KCNQ1: variants seen among roughly 807,000 people sequenced by gnomAD.
KCNQ1 encodes potassium voltage-gated channel subfamily KQT member 1.
A neutral mutation model predicts 72.4 loss-of-function variants in KCNQ1; 49 were observed. That is an observed-to-expected ratio of 0.68 (90% confidence interval 0.54 to 0.86). KCNQ1 has a LOEUF of 0.86. KCNQ1 is among the 40% of genes least tolerant of loss of function. The pLI is 0.00. For synonymous variants in KCNQ1, 450 were observed against 412.6 expected, an observed-to-expected ratio of 1.09 and a Z score of -1.10; for missense variants, 790 against 945.1, an observed-to-expected ratio of 0.84 and a Z score of 2.15.
chr11:2,594,259 C>G (rs1848706893), intron 10 of KCNQ1, among the ~76,000 whole-genome samples: 1 of 152,206 alleles, frequency 6.6e-6, no homozygotes, highest in Non-Finnish European at 1.5e-5. Flanking sequence ...AGCTGTAACA[C>G]TGCAGTCTCC....
intron 10 of KCNQ1, among the ~76,000 whole-genome samples, chr11:2,591,112 G>C (rs1182062746): frequency 6.6e-6 from 1 of 152,274 alleles, no homozygotes; most frequent in Admixed American, 6.5e-5. Flanking sequence ...TTGTAAGGAT[G>C]CTGTCACATC....
chr11:2,586,114 C>T (rs976616575), intron 8 of KCNQ1, among the ~76,000 whole-genome samples: 1 of 152,330 alleles, frequency 6.6e-6, no homozygotes, highest in South Asian at 2.1e-4. Flanking sequence ...ATGACAAGTG[C>T]CCACTGGGGA....
intron 10 of KCNQ1, chr11:2,625,868 C>G: frequency 2.5e-6 from 1 of 398,588 alleles, no homozygotes; most frequent in East Asian, 3.6e-5. Context: ...CGTGCCTGGC[C>G]CTTTTGCCCA....
chr11:2,779,544 T>C (rs1284687978), intron 15 of KCNQ1, among the ~76,000 whole-genome samples: 1 of 151,554 alleles, frequency 6.6e-6, no homozygotes, highest in Non-Finnish European at 1.5e-5. Context: ...CAGCACAGGC[T>C]GGGGACAGCC....
chr11:2,817,181 G>A lies in KCNQ1; in HGVS notation c.1795-30586G>A, dbSNP rs985876845. On this transcript the variant is annotated intron_variant, in intron 15 of 15. Transcript: ENST00000155840. The surrounding 1 kb of genome is among the most constrained non-coding windows in gnomAD (Gnocchi z 6.1). Reference sequence around the variant, plus strand: ...GCGCACGCTCCTTTCAAGGGTTAACGGTGCAAGCTCCTCACGGCACCAGTG... The same window carrying A: ...GCGCACGCTCCTTTCAAGGGTTAACAGTGCAAGCTCCTCACGGCACCAGTG... Among the ~76,000 whole-genome samples, 6 of 152,198 alleles carry A rather than the reference G, an allele frequency of 3.9e-5. No individual in the cohort carries two copies. Among genetic ancestry groups the A allele is most frequent in the African/African-American group, 1.4e-4 (6 of 41,460 alleles).
intron 15 of KCNQ1, among the ~76,000 whole-genome samples, chr11:2,779,341 C>T (rs1158457973): frequency 6.6e-6 from 1 of 152,180 alleles, no homozygotes; most frequent in East Asian, 1.9e-4. Context: ...GCTGGCACAC[C>T]CAGTACAGCA....
Position 2,468,138 on chromosome 11 carries a change from T to G in KCNQ1, c.386+22654T>G, listed in dbSNP as rs1352525067. Among the ~76,000 whole-genome samples, 3 of 152,226 alleles carry G rather than the reference T, an allele frequency of 2.0e-5. No homozygotes were observed. The highest frequency in any genetic ancestry group is 4.4e-5 in the Non-Finnish European group (3 of 68,040). On this transcript the variant is annotated intron_variant, in intron 1 of 15. Coordinates refer to ENST00000155840, the MANE Select transcript of KCNQ1 (RefSeq NM_000218.3). The surrounding 1 kb of genome is among the most constrained non-coding windows in gnomAD (Gnocchi z 5.7). The stretch of plus-strand genomic sequence containing the variant: ...AACCTTTCACAGGCCACAGGCCCAT[T>G]CCCAGAAGTTTATTTTTTATTTTTC...
At chr11:2,500,549 A>C (rs1407006911) in intron 1 of KCNQ1, among the ~76,000 whole-genome samples, 1 of 152,248 alleles carries the variant, frequency 6.6e-6, no homozygotes, top group African/African-American at 2.4e-5. Context: ...ATTATAAATC[A>C]TTGTATTATA....
chr11:2,683,193 C>T lies in KCNQ1; in HGVS notation c.1514+21112C>T. On this transcript the variant is annotated intron_variant, in intron 11 of 15. Coordinates refer to ENST00000155840, the MANE Select transcript of KCNQ1 (RefSeq NM_000218.3). The surrounding 1 kb of genome is among the most constrained non-coding windows in gnomAD (Gnocchi z 4.7). ...ATCTGCATTAAAAGGCTCCCACTGA[C>T]AGCTCATGCATTGTGATGGAACTAG... The T allele has an allele frequency of 2.5e-6, 1 of 398,668 alleles. No homozygotes were observed. The highest frequency in any genetic ancestry group is 1.3e-4 in the South Asian group (1 of 7,860). The allele number at this position is 398,668 out of a possible 1,614,324, so 24.7% of individuals were successfully genotyped here. A position where few individuals can be genotyped will look rare whatever the true frequency, so the allele number is the denominator to read the frequency against.
chr11:2,480,859 G>A (rs556500820), intron 1 of KCNQ1, among the ~76,000 whole-genome samples: 5 of 152,296 alleles, frequency 3.3e-5, no homozygotes, highest in Admixed American at 6.5e-5. Flanking sequence ...CAGAAAACAG[G>A]CATGGTGTCT....
intron 15 of KCNQ1, among the ~76,000 whole-genome samples, chr11:2,793,173 C>A (rs1036678090): frequency 6.6e-6 from 1 of 152,226 alleles, no homozygotes; most frequent in Non-Finnish European, 1.5e-5. Flanking sequence ...TCAGGCAGGG[C>A]CCGCCTGGGT....
At chr11:2,788,617 C>T (rs1184875420) in intron 15 of KCNQ1, among the ~76,000 whole-genome samples, 3 of 151,912 alleles carry the variant, frequency 2.0e-5, no homozygotes, top group East Asian at 3.9e-4. Context: ...GTGACAGGGC[C>T]GTAAATAGGC....
chr11:2,708,216 G>A (rs1028792571), intron 11 of KCNQ1, among the ~76,000 whole-genome samples: 30 of 152,206 alleles, frequency 2.0e-4, no homozygotes, highest in Admixed American at 1.8e-3. Flanking sequence ...TGAACCCACC[G>A]TGCACACTTC....
chr11:2,775,554 G>A (rs1384545385), intron 12 of KCNQ1, among the ~76,000 whole-genome samples: 1 of 152,240 alleles, frequency 6.6e-6, no homozygotes, highest in East Asian at 1.9e-4. Context: ...GGTAGGTAGT[G>A]GGCATGCAGA....
In KCNQ1 at chr11:2,587,550, G is replaced by C. The variant is rs1437083864; in HGVS notation, c.1129-20G>C. ...CGGGTGGCTCAGCAGGTGACAGCCT[G>C]TCCCCCTGCCCGACCTCAGACCGCA... On this transcript the variant is annotated intron_variant, in intron 8 of 15. Transcript: ENST00000155840. The C allele has an allele frequency of 1.9e-6, 3 of 1,613,456 alleles. No homozygotes were observed. Among genetic ancestry groups the C allele is most frequent in the South Asian group, 2.2e-5 (2 of 91,084 alleles).
chr11:2,797,792 A>G (rs555014613), intron 15 of KCNQ1, among the ~76,000 whole-genome samples: 1 of 151,900 alleles, frequency 6.6e-6, no homozygotes, highest in Non-Finnish European at 1.5e-5. Context: ...CCTCACCCTG[A>G]CCACATGGCC....
chr11:2,767,032 C>T lies in KCNQ1; in HGVS notation c.1515-1812C>T, dbSNP rs1161358438. On this transcript the variant is annotated intron_variant, in intron 11 of 15. Transcript: ENST00000155840. This position sits in a 1 kb window ranked among gnomAD's most constrained non-coding sequence, Gnocchi z 4.6. The stretch of plus-strand genomic sequence containing the variant: ...TCTCTACTAAAAATACAAAAATTAG[C>T]TGGGCATGGTGGTGTGCACCTGCTA... Among the ~76,000 whole-genome samples, 1 of 152,148 alleles carries T rather than the reference C, an allele frequency of 6.6e-6. No individual in the cohort carries two copies. The highest frequency in any genetic ancestry group is 1.5e-5 in the Non-Finnish European group (1 of 68,036).
Position 2,733,814 on chromosome 11 carries a change from A to ACACACACACTCT in KCNQ1, c.1515-35029_1515-35028insACACACACTCTC. ...CACACACACACACACACACACACAC[A>ACACACACACTCT]CTCTCTCACTCTCTCTCTCTCTCTC... is the stretch of plus-strand genomic sequence containing the variant. On this transcript the variant is annotated intron_variant, in intron 11 of 15. Coordinates refer to ENST00000155840, the MANE Select transcript of KCNQ1 (RefSeq NM_000218.3). Among the ~76,000 whole-genome samples the ACACACACACTCT allele has an allele frequency of 2.7e-3, 232 of 86,578 alleles. 2 individuals carry two copies. Among genetic ancestry groups the ACACACACACTCT allele is most frequent in the Non-Finnish European group, 4.1e-3 (173 of 42,002 alleles). 56.8% of individuals were successfully genotyped at this position (86,578 alleles called of 152,430 possible).
At chr11:2,686,431 C>T (rs1272971398) in intron 11 of KCNQ1, 1 of 398,538 alleles carries the variant, frequency 2.5e-6, no homozygotes, top group African/African-American at 2.1e-5. Flanking sequence ...TGCCCAGAGC[C>T]CCTCCACTGC....
Sources: gnomAD v4.1 joint callset for allele counts (sites outside exome capture counted in the v4.1 genomes callset) on GRCh38, gnomAD v4.1.1 for gene constraint, Gnocchi (gnomAD v3.1) non-coding constraint, MANE v1.5 for transcripts, NCBI Gene and HGNC (gene_info 2026-07-23, HGNC 2026-07-21) for gene names.